ABTB3: variants seen among roughly 807,000 people sequenced by gnomAD.
ABTB3 encodes ankyrin repeat- and BTB/POZ domain-containing protein 3.
At chr12:107,454,222 A>G in the ABTB3 span, among the ~76,000 whole-genome samples, 1 of 152,090 alleles carries the variant, frequency 6.6e-6, no homozygotes, top group Admixed American at 6.5e-5. Flanking sequence ...GCATGCCCAG[A>G]AGATCCACAC....
At chr12:107,578,475 C>A in the ABTB3 span, among the ~76,000 whole-genome samples, 1 of 127,394 alleles carries the variant, frequency 7.8e-6, no homozygotes, top group Non-Finnish European at 1.6e-5. Flanking sequence ...TGGCATCTAA[C>A]ATGAAAGGCA....
chr12:107,463,375 AT>A, the ABTB3 span, among the ~76,000 whole-genome samples: 1 of 151,972 alleles, frequency 6.6e-6, no homozygotes, highest in Admixed American at 6.6e-5. Context: ...TGATGATGGT[AT>A]TGATGATGAT....
the ABTB3 span, among the ~76,000 whole-genome samples, chr12:107,350,339 A>G: frequency 1.8e-4 from 27 of 152,250 alleles, no homozygotes; most frequent in African/African-American, 6.3e-4. Flanking sequence ...TCACGAGGTC[A>G]GGAGATTGAG....
the ABTB3 span, among the ~76,000 whole-genome samples, chr12:107,477,486 G>T: frequency 6.6e-6 from 1 of 152,168 alleles, no homozygotes; most frequent in Non-Finnish European, 1.5e-5. Context: ...TGGAAAGAAG[G>T]TGCTAGAGTG....
the ABTB3 span, chr12:107,634,689 C>T: frequency 2.6e-5 from 4 of 152,166 alleles, no homozygotes; most frequent in African/African-American, 9.7e-5. Flanking sequence ...CGTGTGTCCC[C>T]AGCACTGAAG....
At chr12:107,615,680 G>A in the ABTB3 span, among the ~76,000 whole-genome samples, 1 of 152,212 alleles carries the variant, frequency 6.6e-6, no homozygotes, top group African/African-American at 2.4e-5. Flanking sequence ...CCTTGGCCAT[G>A]TGTCTTCTGA....
chr12:107,514,508 T>C, the ABTB3 span, among the ~76,000 whole-genome samples: 1 of 152,296 alleles, frequency 6.6e-6, no homozygotes, highest in South Asian at 2.1e-4. Context: ...GTTCCCTCTG[T>C]ATCTAAACTT....
chr12:107,524,768 C>T, the ABTB3 span, among the ~76,000 whole-genome samples: 2 of 152,194 alleles, frequency 1.3e-5, no homozygotes, highest in African/African-American at 4.8e-5. Context: ...ACACTCCCTC[C>T]AGGGAAGTCC....
chr12:107,460,345 G>A, the ABTB3 span, among the ~76,000 whole-genome samples: 2 of 152,204 alleles, frequency 1.3e-5, no homozygotes, highest in African/African-American at 4.8e-5. Context: ...GATTCTGGCT[G>A]GGAAAATGGT....
At chr12:107,333,159 A>T in the ABTB3 span, among the ~76,000 whole-genome samples, 1 of 152,120 alleles carries the variant, frequency 6.6e-6, no homozygotes, top group Non-Finnish European at 1.5e-5. Context: ...TTCTTTGTGT[A>T]TAAACAGAAG....
chr12:107,572,457 A>G, the ABTB3 span, among the ~76,000 whole-genome samples: 1 of 152,124 alleles, frequency 6.6e-6, no homozygotes, highest in African/African-American at 2.4e-5. Flanking sequence ...CACACCAAGC[A>G]AACGGGCACA....
chr12:107,614,056 C>T, the ABTB3 span, among the ~76,000 whole-genome samples: 1 of 152,220 alleles, frequency 6.6e-6, no homozygotes, highest in Admixed American at 6.5e-5. Flanking sequence ...ATTCTCGGGT[C>T]CTCTCTAGCC....
chr12:107,621,165 C>T, the ABTB3 span, among the ~76,000 whole-genome samples: 1 of 152,316 alleles, frequency 6.6e-6, no homozygotes, highest in South Asian at 2.1e-4. Context: ...GAAAGCGAGT[C>T]CCATTAGGTG....
At chr12:107,364,768 G>A in the ABTB3 span, among the ~76,000 whole-genome samples, 3 of 152,190 alleles carry the variant, frequency 2.0e-5, no homozygotes, top group Admixed American at 2.0e-4. Flanking sequence ...CATATGTCTA[G>A]TGCTTATTCG....
chr12:107,454,392 A>G, the ABTB3 span, among the ~76,000 whole-genome samples: 1 of 152,230 alleles, frequency 6.6e-6, no homozygotes, highest in Non-Finnish European at 1.5e-5. Context: ...TTGCATGGCC[A>G]TGAAGCTGGT....
At chr12:107,543,455 C>T in the ABTB3 span, among the ~76,000 whole-genome samples, 6 of 151,896 alleles carry the variant, frequency 4.0e-5, no homozygotes, top group African/African-American at 1.2e-4. Context: ...AAGCAGATAC[C>T]TGGATGATCA....
the ABTB3 span, among the ~76,000 whole-genome samples, chr12:107,386,567 A>G: frequency 6.6e-6 from 1 of 152,226 alleles, no homozygotes; most frequent in Admixed American, 6.5e-5. Flanking sequence ...TGGAGGAAGC[A>G]TTTCAGGATC....
the ABTB3 span, among the ~76,000 whole-genome samples, chr12:107,453,344 G>A: frequency 2.0e-5 from 3 of 152,180 alleles, no homozygotes; most frequent in African/African-American, 7.2e-5. Flanking sequence ...TAACCCCCAA[G>A]GTGATGGTAT....
the ABTB3 span, chr12:107,581,332 C>A: frequency 7.7e-7 from 1 of 1,303,578 alleles, no homozygotes; most frequent in Non-Finnish European, 9.7e-7. Flanking sequence ...CGGGGGGCGG[C>A]AGGGGAGGGA....
Sources: allele counts gnomAD v4.1 joint callset (sites outside exome capture counted in the v4.1 genomes callset), GRCh38; gene constraint gnomAD v4.1.1; transcripts MANE v1.5; gene names NCBI Gene and HGNC (gene_info 2026-07-23, HGNC 2026-07-21).